The following ZBTB14 variants were observed in gnomAD, a reference collection of about 807,000 sequenced individuals.
ZBTB14 encodes the protein zinc finger and BTB domain-containing protein 14.
Under a neutral mutation model 29.5 loss-of-function variants are expected in ZBTB14, and 8 were observed. The ratio of observed to expected loss-of-function variants is 0.27; its 90% CI spans 0.16 to 0.49. The LOEUF (loss-of-function observed/expected upper bound fraction) is 0.49. Among genes scored for constraint, ZBTB14 ranks in the 20% least tolerant of loss-of-function variants. The pLI is 0.99. For synonymous variants in ZBTB14, 226 were observed against 207.2 expected (o/e 1.09, Z -0.78); for missense variants, 333 against 563.8 (o/e 0.59, Z 4.15).
chr18:5,293,122 T>C, intron 3 of ZBTB14, 122 bp downstream of exon 3: 1 of 1,082,342 alleles, frequency 9.2e-7, no homozygotes, highest in South Asian at 1.9e-5. Context: ...TTTACTTTTA[T>C]TCGGCTAATA....
At chr18:5,296,589 A>G (rs1278087139), upstream of ZBTB14, among the ~76,000 whole-genome samples, 1 of 151,876 alleles carries the variant, frequency 6.6e-6, no homozygotes. Flanking sequence ...AGGCGCGCCC[A>G]CGGGTCTGCG....
chr18:5,289,807 A>G lies in ZBTB14; in HGVS notation c.*1051T>C, dbSNP rs889715115. 2.0e-5 allele frequency: 3 copies of G among 152,654 alleles called. No homozygotes were observed. Among genetic ancestry groups the G allele is most frequent in the African/African-American group, 7.2e-5 (3 of 41,458 alleles). The allele number at this position is 152,654 out of a possible 1,614,324, so 9.5% of individuals were successfully genotyped here. A position where few individuals can be genotyped will look rare whatever the true frequency, so the allele number is the denominator to read the frequency against. On this transcript the variant is annotated 3_prime_UTR_variant, in exon 4 of 4. Transcript: ENST00000651870. ...TGAAATACGTAAGACCAACACTACT[A>G]TTTACACACTTAAAAGATTTTAAAT... is the stretch of plus-strand genomic sequence containing the variant.
In ZBTB14 at chr18:5,291,496, C is replaced by T. The variant is rs960101614; in HGVS notation, c.712G>A (p.Ala238Thr). ...SKDLGSQTPQ[A>T]LTFNDGMSEV... ...CTCATCCCATCATTAAATGTTAAGG[C>T]TTGAGGGGTCTGGGACCCCAAGTCT... The change falls in exon 4 of 4, where the codon GCC becomes ACC. Residue 238 changes from alanine to threonine, a missense_variant. Around this residue, in one of 3 missense-constraint regions of ZBTB14, gnomAD observed 140 missense variants for 274.6 expected, o/e 0.51. Transcript: ENST00000651870. This position sits in a 1 kb window ranked among gnomAD's most constrained non-coding sequence, Gnocchi z 5.8. 6.2e-7 allele frequency: 1 copy of T among 1,614,166 alleles called. No homozygotes were observed. Among genetic ancestry groups the T allele is most frequent in the Admixed American group, 1.7e-5 (1 of 60,024 alleles).
chr18:5,294,666 G>C (rs531076482), intron 1 of ZBTB14: 1 of 152,244 alleles, frequency 6.6e-6, no homozygotes. Context: ...TGTGTAGGCA[G>C]GTGTAGGAAA....
Position 5,290,050 on chromosome 18 carries a change from T to C in ZBTB14, c.*808A>G, listed in dbSNP as rs533849192. 1 of 152,230 alleles carries C rather than the reference T, an allele frequency of 6.6e-6. No homozygotes were observed. Among genetic ancestry groups the C allele is most frequent in the Non-Finnish European group, 1.5e-5 (1 of 68,048 alleles). The allele number at this position is 152,230 out of a possible 1,614,324, so 9.4% of individuals were successfully genotyped here. ...GGATTGTTACACATGTAAAAAACCT[T>C]ATCTCTGAGAGCCTTTTCTATTCTT... On this transcript the variant is annotated 3_prime_UTR_variant, in exon 4 of 4. Transcript: ENST00000651870.
At chr18:5,293,456 G>T in intron 2 of ZBTB14, 129 bp from the exon 3 acceptor site, 1 of 573,078 alleles carries the variant, frequency 1.7e-6, no homozygotes, top group South Asian at 2.4e-5. Flanking sequence ...TGGGGAGAGT[G>T]GCAGGTAGGT....
chr18:5,293,290 T>C lies in ZBTB14; in HGVS notation c.-44A>G. 1 of 1,612,016 alleles carries C rather than the reference T, an allele frequency of 6.2e-7. No homozygotes were observed. The highest frequency in any genetic ancestry group is 1.7e-4 in the Middle Eastern group (1 of 6,056). ...TCTTAATGCCTTGAACGCCAAAATC[T>C]TCAGATCAGAGTAACTCTGATCAGG... On this transcript the variant is annotated 5_prime_UTR_variant, in exon 3 of 4. Transcript: ENST00000651870.
At chr18:5,292,774 A>G (rs889200774) in intron 3 of ZBTB14, among the ~76,000 whole-genome samples, 1 of 152,220 alleles carries the variant, frequency 6.6e-6, no homozygotes, top group East Asian at 1.9e-4. Context: ...ACAAATTACT[A>G]TTGCAGAACT....
intron 2 of ZBTB14, 33 bp from the exon 3 acceptor site, chr18:5,293,360 G>A (rs2071862260): frequency 9.3e-7 from 1 of 1,072,870 alleles, no homozygotes; most frequent in Non-Finnish European, 1.4e-6. Context: ...GAATGAGGTA[G>A]GATCTTCCTG....
At position 5,292,208 on chromosome 18, in the gene ZBTB14, C is replaced by CA. The variant is rs11327444; in HGVS notation, c.4-5dup. On this transcript the variant is annotated splice_polypyrimidine_tract_variant and splice_region_variant and intron_variant, in intron 3 of 3. Coordinates refer to ENST00000651870, the MANE Select transcript of ZBTB14 (RefSeq NM_001243702.2). ...CAGACATACTGATGAAAAACTCCTA[C>CA]AAAAAAAAAAAAAGTTTAGTAATTA... 40,845 of 1,216,858 alleles carry CA rather than the reference C, an allele frequency of 0.034. No homozygotes were observed. The highest frequency in any genetic ancestry group is 0.093 in the East Asian group (2,662 of 28,776). The allele number at this position is 1,216,858 out of a possible 1,614,324, so 75.4% of individuals were successfully genotyped here. A position where few individuals can be genotyped will look rare whatever the true frequency, so the allele number is the denominator to read the frequency against.
At position 5,289,105 on chromosome 18, in the gene ZBTB14, T is replaced by A. The variant is rs923880569; in HGVS notation, c.*1753A>T. On this transcript the variant is annotated 3_prime_UTR_variant, in exon 4 of 4. Coordinates refer to ENST00000651870, the MANE Select transcript of ZBTB14 (RefSeq NM_001243702.2). ...GTAGCTATTGACAAGATGTTAAAAT[T>A]ATTTTTCCTTTGCTTTGGTTAAAAC... The A allele has an allele frequency of 1.3e-5, 2 of 152,238 alleles. No homozygotes were observed. The allele number at this position is 152,238 out of a possible 1,614,324, so 9.4% of individuals were successfully genotyped here.
intron 1 of ZBTB14, among the ~76,000 whole-genome samples, chr18:5,294,250 A>G (rs1394893261): frequency 1.3e-5 from 2 of 152,208 alleles, no homozygotes; most frequent in African/African-American, 2.4e-5. Context: ...CCAAAAGATG[A>G]TTCTGACTTG....
chr18:5,294,122 C>T (rs2071884162), intron 1 of ZBTB14, 121 bp from the exon 2 acceptor site: 1 of 152,240 alleles, frequency 6.6e-6, no homozygotes, highest in South Asian at 2.1e-4. Flanking sequence ...AAGACTCCAA[C>T]CTGGAGACCA....
chr18:5,296,921 A>ACCACGTCGCCTTCC (rs2071979965), upstream of ZBTB14: 2 of 151,984 alleles, frequency 1.3e-5, no homozygotes, highest in Admixed American at 6.6e-5. Context: ...TTGCTGTTGA[A>ACCACGTCGCCTTCC]CCACGTCGCC....
chr18:5,292,580 C>T (rs2071841414), intron 3 of ZBTB14, among the ~76,000 whole-genome samples: 1 of 152,204 alleles, frequency 6.6e-6, no homozygotes, highest in African/African-American at 2.4e-5. Context: ...GACTTAAATG[C>T]AGACAATCTG....
Position 5,292,118 on chromosome 18 carries a change from G to A in ZBTB14, c.90C>T (p.Arg30=), listed in dbSNP as rs1175727656. Residue 30 remains arginine, a synonymous_variant, in exon 4 of 4, where the codon CGC becomes CGT. Coordinates refer to ENST00000651870, the MANE Select transcript of ZBTB14 (RefSeq NM_001243702.2). The part of the protein sequence containing the change: ...TLFLKTLNEQ[R]LEGEFCDIAI... ...CAATATCACAAAATTCTCCTTCCAG[G>A]CGTTGTTCATTTAGTGTTTTCAGAA... 2 of 1,604,014 alleles carry A rather than the reference G, an allele frequency of 1.2e-6. No individual in the cohort carries two copies. The highest frequency in any genetic ancestry group is 1.7e-4 in the Middle Eastern group (1 of 6,058).
Position 5,291,716 on chromosome 18 carries a change from C to A in ZBTB14, c.492G>T (p.Glu164Asp). ...DAADTQDDDV[E>D]EIGDQDDSPS... is the part of the protein sequence containing the mutation. ...GACTGTCATCCTGATCCCCGATTTC[C>A]TCTACATCATCATCCTGGGTGTCAG... Residue 164 changes from glutamate to aspartate, a missense_variant, in exon 4 of 4, where the codon GAG (glutamate) becomes GAT (aspartate). Glu to Asp is a conservative substitution (Grantham distance 45, BLOSUM62 2). This residue lies in a region of ZBTB14 where 126 missense variants were observed against 132.2 expected (regional missense o/e 0.95). Transcript: ENST00000651870. This position sits in a 1 kb window ranked among gnomAD's most constrained non-coding sequence, Gnocchi z 5.8. 6.2e-7 allele frequency: 1 copy of A among 1,614,134 alleles called. No individual in the cohort carries two copies. The highest frequency in any genetic ancestry group is 8.5e-7 in the Non-Finnish European group (1 of 1,180,002).
At position 5,291,318 on chromosome 18, in the gene ZBTB14, T is replaced by C; in HGVS notation, c.890A>G (p.Lys297Arg). ...AAATGGCCTGTCCGCCGTGTGGAGTTTCTCATGCTTCCTCAATCTGCCTTC... is the reference window on the plus strand; with the variant it reads ...AAATGGCCTGTCCGCCGTGTGGAGTCTCTCATGCTTCCTCAATCTGCCTTC... ...SDEGRLRKHEKLHTADRPFVC... is the reference protein window; with the variant it reads ...SDEGRLRKHERLHTADRPFVC... Residue 297 changes from lysine (K) to arginine (R), a missense_variant, in exon 4 of 4, where the codon AAA becomes AGA. Physicochemically the swap from Lys to Arg is conservative, Grantham distance 26. This residue lies in a region of ZBTB14 where 140 missense variants were observed against 274.6 expected (regional missense o/e 0.51). Transcript: ENST00000651870. The surrounding 1 kb of genome is among the most constrained non-coding windows in gnomAD (Gnocchi z 5.8). 2 of 1,614,188 alleles carry C rather than the reference T, an allele frequency of 1.2e-6. No homozygotes were observed. The highest frequency in any genetic ancestry group is 1.7e-6 in the Non-Finnish European group (2 of 1,180,034).
chr18:5,296,144 A>G (rs1320398322), upstream of ZBTB14: 1 of 150,704 alleles, frequency 6.6e-6, no homozygotes, highest in Non-Finnish European at 1.5e-5. Flanking sequence ...TAAGTGGGCG[A>G]GCAAAGAAAG....
Sources: allele counts gnomAD v4.1 joint callset (sites outside exome capture counted in the v4.1 genomes callset), GRCh38; gene constraint gnomAD v4.1.1; regional missense constraint gnomAD v4.1.1; non-coding constraint Gnocchi (gnomAD v3.1); transcripts MANE v1.5; gene names NCBI Gene and HGNC (gene_info 2026-07-23, HGNC 2026-07-21).